The following KIF24 variants were observed in gnomAD, a reference collection of about 807,000 sequenced individuals.
KIF24 encodes kinesin-like protein KIF24.
A neutral mutation model predicts 118.9 loss-of-function variants in KIF24; 81 were observed. That is an observed-to-expected ratio of 0.68 (90% CI 0.57 to 0.82). KIF24 has a LOEUF of 0.82. Ranked by LOEUF, KIF24 falls within the 40% of genes least tolerant of loss-of-function variation. The probability of loss-of-function intolerance (pLI) is 0.00; values close to 1 mark genes in which losing one functional copy is unlikely to be tolerated. For missense variants in KIF24, 1,560 were observed against 1,661.6 expected (o/e 0.94, Z 1.06); for synonymous variants, 599 against 610.0 (o/e 0.98, Z 0.27).
chr9:34,312,572 G>A (rs955906919), intron 1 of KIF24, among the ~76,000 whole-genome samples: 5 of 152,194 alleles, frequency 3.3e-5, no homozygotes, highest in Non-Finnish European at 5.9e-5. Flanking sequence ...AGAGAAAGAG[G>A]TGAGGGCAAG....
intron 2 of KIF24, among the ~76,000 whole-genome samples, chr9:34,310,393 TTAAC>T (rs5897566): frequency 0.47 from 71,736 of 151,450 alleles, 19,865 homozygotes; most frequent in South Asian, 0.64. Context: ...TGTAGAAGGG[TTAAC>T]TATTTCACTT....
At chr9:34,299,823 CGTGTGTGT>C (rs34056151) in intron 3 of KIF24, among the ~76,000 whole-genome samples, 5 of 133,170 alleles carry the variant, frequency 3.8e-5, no homozygotes, top group Non-Finnish European at 8.2e-5. Flanking sequence ...TGTGTGTGTG[CGTGTGTGT>C]GTGTGTGTGT....
intron 3 of KIF24, among the ~76,000 whole-genome samples, chr9:34,299,809 T>C (rs1836627268): frequency 1.2e-5 from 1 of 82,348 alleles, no homozygotes; most frequent in Non-Finnish European, 3.0e-5. Flanking sequence ...CCAAGATGTG[T>C]GTGTGTGTGT....
chr9:34,304,184 G>A (rs982012459), intron 3 of KIF24, among the ~76,000 whole-genome samples: 13 of 151,998 alleles, frequency 8.6e-5, no homozygotes, highest in Admixed American at 7.2e-4. Context: ...AAGAATCTAC[G>A]ATCAATATTT....
In KIF24 at chr9:34,252,589, T is replaced by C. The variant is rs1312404078; in HGVS notation, c.*1791A>G. The C allele has an allele frequency of 6.6e-6, 1 of 152,614 alleles. No homozygotes were observed. The highest frequency in any genetic ancestry group is 2.4e-5 in the African/African-American group (1 of 41,448). 9.5% of individuals were successfully genotyped at this position (152,614 alleles called of 1,614,324 possible). On this transcript the variant is annotated 3_prime_UTR_variant, in exon 13 of 13. Coordinates refer to ENST00000402558, the MANE Select transcript of KIF24 (RefSeq NM_194313.4). ...ATGGGAGTGGGGGGGCCATGTGGTG[T>C]ATAAAGAGATTTCTTGCTTAGATTT...
intron 1 of KIF24, among the ~76,000 whole-genome samples, chr9:34,315,654 CTCAG>C: frequency 6.6e-6 from 1 of 152,236 alleles, no homozygotes; most frequent in South Asian, 2.1e-4. Context: ...TATGATCCCA[CTCAG>C]TCAAGCATTG....
At chr9:34,283,203 C>T (rs1271504633) in intron 6 of KIF24, among the ~76,000 whole-genome samples, 1 of 151,714 alleles carries the variant, frequency 6.6e-6, no homozygotes, top group Admixed American at 6.6e-5. Context: ...CCCATCTCTA[C>T]TAAAAATGCC....
intron 1 of KIF24, among the ~76,000 whole-genome samples, chr9:34,320,150 G>A (rs528753667): frequency 1.7e-4 from 26 of 152,214 alleles, no homozygotes; most frequent in African/African-American, 5.3e-4. Context: ...GAGGCAGATC[G>A]AGAAAGAGCT....
At position 34,318,648 on chromosome 9, in the gene KIF24, C is replaced by T. The variant is rs969361705; in HGVS notation, c.-25-7277G>A. On this transcript the variant is annotated intron_variant, in intron 1 of 12. Coordinates refer to ENST00000402558, the MANE Select transcript of KIF24 (RefSeq NM_194313.4). This position sits in a 1 kb window ranked among gnomAD's most constrained non-coding sequence, Gnocchi z 4.9. ...GTGGCCTCGTCGTTGGGGCTCGTGT[C>T]GCTGGGCGGCAAGGCGACCACGGCG... 4.1e-5 allele frequency: 63 copies of T among 1,539,718 alleles called. No individual in the cohort carries two copies. In the Admixed American group the frequency reaches 4.9e-4, roughly 12 times the overall value.
In KIF24 at chr9:34,269,319, C is replaced by A. The variant is rs1242509725; in HGVS notation, c.1381G>T (p.Ala461Ser). The A allele has an allele frequency of 1.2e-6, 2 of 1,611,784 alleles. No homozygotes were observed. The highest frequency in any genetic ancestry group is 1.7e-6 in the Non-Finnish European group (2 of 1,178,464). Residue 461 changes from alanine (A) to serine (S), a missense_variant, in exon 8 of 13, where the codon GCA becomes TCA. Physicochemically the swap from Ala to Ser is moderately conservative, Grantham distance 99. Transcript: ENST00000402558. ...TTTGTCTGTCTATCTGAGTCCCTTG[C>A]ATCTGCTGCTCTTTCACTGCCAGCC... ...DLAGSERAAD[A>S]RDSDRQTKME...
upstream of KIF24, chr9:34,329,729 T>C (rs1050561745): frequency 1.3e-5 from 2 of 152,352 alleles, no homozygotes; most frequent in Admixed American, 6.5e-5. Flanking sequence ...CTCCTCTAAG[T>C]TGGCAGTGAG....
intron 4 of KIF24, among the ~76,000 whole-genome samples, chr9:34,292,514 T>C (rs1231891571): frequency 6.6e-6 from 1 of 152,192 alleles, no homozygotes; most frequent in Non-Finnish European, 1.5e-5. Context: ...GATTGAGACT[T>C]GCCTGGGTCA....
chr9:34,290,384 T>C lies in KIF24; in HGVS notation c.917A>G (p.Asn306Ser), dbSNP rs1206553542. The C allele has an allele frequency of 1.9e-6, 3 of 1,604,958 alleles. No homozygotes were observed. Among genetic ancestry groups the C allele is most frequent in the Admixed American group, 3.3e-5 (2 of 59,728 alleles). Residue 306 changes from asparagine (N) to serine (S), a missense_variant, in exon 5 of 13, where the codon AAT (asparagine) becomes AGT (serine). Physicochemically the swap from Asn to Ser is conservative, Grantham distance 46. This residue lies in a region of KIF24 where 964 missense variants were observed against 988.0 expected (regional missense o/e 0.98). Coordinates refer to ENST00000402558, the MANE Select transcript of KIF24 (RefSeq NM_194313.4). ...PLIQHIFNGG[N>S]ATCFAYGQTG... ...CTGTCCATAAGCAAAGCAAGTGGCA[T>C]TGCCTCTGGGGAAAGGATAATTTGC...
chr9:34,264,901 A>G (rs962622845), intron 8 of KIF24, among the ~76,000 whole-genome samples: 4 of 152,188 alleles, frequency 2.6e-5, no homozygotes, highest in African/African-American at 9.6e-5. Context: ...ATACAACTGG[A>G]AAAAGGAATG....
At chr9:34,298,108 A>AG (rs1333358800) in intron 3 of KIF24, among the ~76,000 whole-genome samples, 3 of 152,146 alleles carry the variant, frequency 2.0e-5, no homozygotes, top group Admixed American at 2.0e-4. Context: ...GAGTGATGGA[A>AG]GGGGGGAAGG....
intron 1 of KIF24, among the ~76,000 whole-genome samples, chr9:34,328,759 T>C (rs1837764631): frequency 6.6e-6 from 1 of 152,198 alleles, no homozygotes; most frequent in African/African-American, 2.4e-5. Flanking sequence ...GCGAACGGGC[T>C]TCCCGGAAGT....
At chr9:34,314,283 C>A (rs1185795346) in intron 1 of KIF24, among the ~76,000 whole-genome samples, 2 of 152,114 alleles carry the variant, frequency 1.3e-5, no homozygotes, top group Non-Finnish European at 2.9e-5. Flanking sequence ...CATGCCTCAG[C>A]CTCCCAAATA....
chr9:34,290,300 G>A lies in KIF24; in HGVS notation c.1001C>T (p.Ala334Val), dbSNP rs1362918225. 1.2e-6 allele frequency: 2 copies of A among 1,613,694 alleles called. No individual in the cohort carries two copies. The highest frequency in any genetic ancestry group is 2.7e-5 in the African/African-American group (2 of 74,940). The change falls in exon 5 of 13, where the codon GCT becomes GTT. Residue 334 changes from alanine to valine, a missense_variant. Coordinates refer to ENST00000402558, the MANE Select transcript of KIF24 (RefSeq NM_194313.4). ...CCTGAAGATATCTTTGGCAGCTAGA[G>A]CATACAATCCTGGGTTCTCATGAGT... is the stretch of plus-strand genomic sequence containing the variant. ...IGTHENPGLY[A>V]LAAKDIFRQL...
At chr9:34,269,564 C>T (rs894192259) in intron 7 of KIF24, among the ~76,000 whole-genome samples, 118 of 152,150 alleles carry the variant, frequency 7.8e-4, no homozygotes, top group African/African-American at 2.6e-3. Flanking sequence ...GGACTACAGG[C>T]GCCCGCCACC....
Sources: gnomAD v4.1 joint callset for allele counts (sites outside exome capture counted in the v4.1 genomes callset) on GRCh38, gnomAD v4.1.1 for gene constraint, gnomAD v4.1.1 regional missense constraint, Gnocchi (gnomAD v3.1) non-coding constraint, MANE v1.5 for transcripts, NCBI Gene and HGNC (gene_info 2026-07-23, HGNC 2026-07-21) for gene names.